PRELID2: variants seen among roughly 807,000 people sequenced by gnomAD.
PRELID2 encodes PRELI domain-containing protein 2.
A neutral mutation model predicts 28.4 loss-of-function variants in PRELID2; 25 were observed. That is an observed-to-expected ratio of 0.88 (90% CI 0.64 to 1.23). The LOEUF is 1.23. Among genes scored for constraint, PRELID2 ranks in the 50% most tolerant of loss-of-function variants. PRELID2 has a pLI of 0.00. For synonymous variants in PRELID2, 76 were observed against 71.6 expected, an observed-to-expected ratio of 1.06 and a Z score of -0.31; for missense variants, 201 against 214.4, an observed-to-expected ratio of 0.94 and a Z score of 0.39.
intron 1 of PRELID2, among the ~76,000 whole-genome samples, chr5:145,617,862 A>C (rs4598024): frequency 0.18 from 26,626 of 151,506 alleles, 3,912 homozygotes; most frequent in African/African-American, 0.39. Flanking sequence ...GCCTCCCAAG[A>C]AGCTGGGATT....
At chr5:145,593,997 T>C (rs1424322457) in intron 1 of PRELID2, among the ~76,000 whole-genome samples, 1 of 152,148 alleles carries the variant, frequency 6.6e-6, no homozygotes, top group East Asian at 1.9e-4. Flanking sequence ...AAGAATATCT[T>C]TTGTCTTTTG....
chr5:145,508,437 T>TA, intron 1 of PRELID2, among the ~76,000 whole-genome samples: 1 of 152,174 alleles, frequency 6.6e-6, no homozygotes, highest in East Asian at 1.9e-4. Flanking sequence ...TTAATGGAGG[T>TA]AAAAAAGCCA....
intron 1 of PRELID2, among the ~76,000 whole-genome samples, chr5:145,515,944 T>C (rs148188145): frequency 6.6e-6 from 1 of 152,216 alleles, no homozygotes; most frequent in South Asian, 2.1e-4. Context: ...TCAACAATTC[T>C]TTATGCTAAA....
chr5:145,322,151 G>A, the PRELID2 span, among the ~76,000 whole-genome samples: 29 of 152,242 alleles, frequency 1.9e-4, no homozygotes, highest in East Asian at 2.1e-3. Context: ...GAAAATGTCC[G>A]TAGGATCAAA....
At chr5:145,250,172 G>A in the PRELID2 span, among the ~76,000 whole-genome samples, 1 of 152,074 alleles carries the variant, frequency 6.6e-6, no homozygotes, top group Non-Finnish European at 1.5e-5. Flanking sequence ...GAATTACAAT[G>A]ATCAATGTTG....
chr5:145,676,831 C>T (rs943387273), intron 1 of PRELID2, among the ~76,000 whole-genome samples: 2 of 152,084 alleles, frequency 1.3e-5, no homozygotes, highest in African/African-American at 2.4e-5. Flanking sequence ...AATAACACCA[C>T]AGGAATAAAA....
the PRELID2 span, among the ~76,000 whole-genome samples, chr5:145,375,860 G>C: frequency 1.3e-5 from 2 of 152,232 alleles, no homozygotes; most frequent in Non-Finnish European, 1.5e-5. Flanking sequence ...GAGCTATAGA[G>C]ATGCATGCTG....
chr5:145,296,463 TA>T, the PRELID2 span, among the ~76,000 whole-genome samples: 17 of 151,764 alleles, frequency 1.1e-4, no homozygotes, highest in East Asian at 2.9e-3. Flanking sequence ...GTTCTTGTGA[TA>T]GTTTACTGAG....
At chr5:145,302,651 T>C in the PRELID2 span, among the ~76,000 whole-genome samples, 2 of 151,962 alleles carry the variant, frequency 1.3e-5, no homozygotes, top group Non-Finnish European at 2.9e-5. Context: ...ATTAAGAACA[T>C]ATATTAATAT....
chr5:145,491,672 T>G (rs971972047), intron 1 of PRELID2, among the ~76,000 whole-genome samples: 2 of 152,060 alleles, frequency 1.3e-5, no homozygotes, highest in African/African-American at 2.4e-5. Flanking sequence ...TAACTGAAAT[T>G]TTGTATCATT....
chr5:145,331,153 T>A, the PRELID2 span, among the ~76,000 whole-genome samples: 11 of 152,228 alleles, frequency 7.2e-5, no homozygotes, highest in Admixed American at 7.2e-4. Context: ...TTGTTATGAT[T>A]TCCATTCTTT....
At chr5:145,728,638 C>A in intron 1 of PRELID2, 7 of 1,301,912 alleles carry the variant, frequency 5.4e-6, no homozygotes, top group South Asian at 1.2e-5. Context: ...CCATAACGAA[C>A]ATAACCAATA....
chr5:145,788,250 T>C (rs1752131266), intron 5 of PRELID2, among the ~76,000 whole-genome samples: 1 of 152,226 alleles, frequency 6.6e-6, no homozygotes, highest in Non-Finnish European at 1.5e-5. Flanking sequence ...TGATCTGCTT[T>C]CTGAATGTAC....
the PRELID2 span, among the ~76,000 whole-genome samples, chr5:145,331,526 G>A: frequency 1.3e-5 from 2 of 152,074 alleles, no homozygotes; most frequent in Admixed American, 6.5e-5. Context: ...ACTATGTAAC[G>A]CCCTTCTTTG....
chr5:145,334,243 T>A, the PRELID2 span, among the ~76,000 whole-genome samples: 1 of 152,200 alleles, frequency 6.6e-6, no homozygotes, highest in Non-Finnish European at 1.5e-5. Context: ...TGCTAAAAAA[T>A]TATTTTTTGG....
chr5:145,339,222 A>C, the PRELID2 span, among the ~76,000 whole-genome samples: 2 of 152,212 alleles, frequency 1.3e-5, no homozygotes, highest in African/African-American at 4.8e-5. Flanking sequence ...ACTGCAAGTA[A>C]ATTTTCTAAG....
At chr5:145,423,205 T>C in the PRELID2 span, among the ~76,000 whole-genome samples, 2 of 151,546 alleles carry the variant, frequency 1.3e-5, no homozygotes, top group African/African-American at 4.9e-5. Context: ...AATCTGACAA[T>C]TATGTGTCTT....
chr5:145,340,735 C>T, the PRELID2 span, among the ~76,000 whole-genome samples: 1 of 147,334 alleles, frequency 6.8e-6, no homozygotes, highest in Non-Finnish European at 1.5e-5. Context: ...GCACTCCAGC[C>T]TGGGTGACAG....
At chr5:145,410,553 C>A in the PRELID2 span, among the ~76,000 whole-genome samples, 1 of 152,140 alleles carries the variant, frequency 6.6e-6, no homozygotes, top group African/African-American at 2.4e-5. Flanking sequence ...AGCACTTTTT[C>A]ACAGAGTGGT....
Sources: gnomAD v4.1 joint callset for allele counts (sites outside exome capture counted in the v4.1 genomes callset) on GRCh38, gnomAD v4.1.1 for gene constraint, MANE v1.5 for transcripts, NCBI Gene and HGNC (gene_info 2026-07-23, HGNC 2026-07-21) for gene names.